Variants in KDM4C observed in about 807,000 individuals in gnomAD.
KDM4C encodes lysine-specific demethylase 4C.
In KDM4C, 81 loss-of-function variants were observed where a neutral mutation model predicts 129.3. The ratio of observed to expected loss-of-function variants is 0.63; its 90% confidence interval spans 0.52 to 0.75. KDM4C has a LOEUF of 0.75. Among genes scored for constraint, KDM4C ranks in the 30% least tolerant of loss-of-function variants. The probability of loss-of-function intolerance (pLI) is 0.00; values close to 1 mark genes in which losing one functional copy is unlikely to be tolerated. For synonymous variants in KDM4C, 573 were observed against 456.1 expected, an observed-to-expected ratio of 1.26 and a Z score of -3.26; for missense variants, 1,457 against 1,304.0, an observed-to-expected ratio of 1.12 and a Z score of -1.81.
chr9:6,868,830 G>A (rs896343561), intron 5 of KDM4C, among the ~76,000 whole-genome samples: 2 of 151,916 alleles, frequency 1.3e-5, no homozygotes, highest in South Asian at 2.1e-4. Flanking sequence ...GGTCAGGAAA[G>A]CTTTTTAAAA....
rs534619061 is a variant in KDM4C at position 6,982,286 on chromosome 9, T to C, written c.1115+1168T>C. 5 of 152,118 alleles carry C rather than the reference T, an allele frequency of 3.3e-5. No individual in the cohort carries two copies. The East Asian group carries it at 7.7e-4, about 23-fold the overall frequency. The allele number at this position is 152,118 out of a possible 1,614,324, so 9.4% of individuals were successfully genotyped here. A position where few individuals can be genotyped will look rare whatever the true frequency, so the allele number is the denominator to read the frequency against. On this transcript the variant is annotated intron_variant, in intron 9 of 21. Transcript: ENST00000381309. ...AGTGAGTGGAAGAACCTTAGGAACA[T>C]GGAGTCAAACTTCGGCATCTTATAA...
chr9:7,106,800 T>C (rs1047577577), intron 18 of KDM4C, among the ~76,000 whole-genome samples: 2 of 152,206 alleles, frequency 1.3e-5, no homozygotes, highest in African/African-American at 4.8e-5. Flanking sequence ...CAGCTAATTA[T>C]TTTAAATATA....
intron 6 of KDM4C, among the ~76,000 whole-genome samples, chr9:6,882,196 A>G (rs1476880507): frequency 1.3e-5 from 2 of 152,238 alleles, no homozygotes; most frequent in Non-Finnish European, 1.5e-5. Context: ...AAAAATCTCA[A>G]GTGAATTGTT....
upstream of KDM4C, among the ~76,000 whole-genome samples, chr9:6,755,502 G>A (rs1270550992): frequency 2.7e-5 from 4 of 148,040 alleles, no homozygotes; most frequent in Non-Finnish European, 6.0e-5. Context: ...GAGCCGATAT[G>A]GCGCCACTGC....
intron 15 of KDM4C, among the ~76,000 whole-genome samples, chr9:7,023,338 T>C (rs1825215290): frequency 6.6e-6 from 1 of 152,126 alleles, no homozygotes; most frequent in Non-Finnish European, 1.5e-5. Context: ...TCTGTTTGGG[T>C]TTTGGATTTC....
At chr9:6,862,666 G>T (rs1490861335) in intron 5 of KDM4C, among the ~76,000 whole-genome samples, 4 of 152,156 alleles carry the variant, frequency 2.6e-5, no homozygotes, top group Admixed American at 6.5e-5. Context: ...CATTAGCCAG[G>T]TGTGGAGGCA....
At chr9:6,897,844 T>C (rs180818744) in intron 8 of KDM4C, among the ~76,000 whole-genome samples, 3 of 152,336 alleles carry the variant, frequency 2.0e-5, no homozygotes, top group East Asian at 3.9e-4. Context: ...GCAATTATTT[T>C]TTCTTGATAG....
At chr9:6,887,079 T>C (rs1845422831) in intron 6 of KDM4C, among the ~76,000 whole-genome samples, 1 of 152,246 alleles carries the variant, frequency 6.6e-6, no homozygotes. Flanking sequence ...TGGTGCCTTC[T>C]CTCTTCCTTT....
At chr9:6,750,947 G>C (rs1239115404) in intron 1 of KDM4C, among the ~76,000 whole-genome samples, 1 of 152,190 alleles carries the variant, frequency 6.6e-6, no homozygotes, top group South Asian at 2.1e-4. Flanking sequence ...CTGGCAGCTG[G>C]TGCTGGCAGT....
intron 8 of KDM4C, among the ~76,000 whole-genome samples, chr9:6,969,999 T>C (rs1012850094): frequency 6.6e-6 from 1 of 152,232 alleles, no homozygotes; most frequent in African/African-American, 2.4e-5. Flanking sequence ...TTGGTGTTGC[T>C]TGGGCCATGT....
chr9:6,982,142 C>T, intron 9 of KDM4C: 1 of 151,778 alleles, frequency 6.6e-6, no homozygotes, highest in Non-Finnish European at 1.5e-5. Context: ...TAGCTTGTGT[C>T]CACTTTTTTG....
chr9:6,961,850 G>T (rs1312410232), intron 8 of KDM4C, among the ~76,000 whole-genome samples: 1 of 152,158 alleles, frequency 6.6e-6, no homozygotes, highest in African/African-American at 2.4e-5. Flanking sequence ...TCATTTTAAA[G>T]CTTTTTTCCC....
intron 18 of KDM4C, among the ~76,000 whole-genome samples, chr9:7,123,625 C>T (rs1168169260): frequency 2.0e-5 from 3 of 152,204 alleles, no homozygotes; most frequent in East Asian, 1.9e-4. Context: ...AAGACAAGTT[C>T]TGGCACTGAT....
intron 3 of KDM4C, among the ~76,000 whole-genome samples, chr9:6,810,129 C>G (rs556487174): frequency 6.6e-6 from 1 of 152,274 alleles, no homozygotes; most frequent in African/African-American, 2.4e-5. Context: ...TATAAAGAAA[C>G]TTTGATCATC....
intron 4 of KDM4C, among the ~76,000 whole-genome samples, chr9:6,821,543 C>A (rs944513665): frequency 4.6e-5 from 7 of 152,080 alleles, no homozygotes; most frequent in Non-Finnish European, 7.4e-5. Flanking sequence ...CTGTTCATAT[C>A]CTTTGCCCAC....
chr9:6,834,168 A>C (rs1004011878), intron 4 of KDM4C, among the ~76,000 whole-genome samples: 6 of 151,050 alleles, frequency 4.0e-5, no homozygotes, highest in Non-Finnish European at 7.4e-5. Flanking sequence ...TCTCCCAAAA[A>C]GCTGGGACTA....
At chr9:6,888,758 A>G (rs1217353502) in intron 7 of KDM4C, among the ~76,000 whole-genome samples, 5 of 152,124 alleles carry the variant, frequency 3.3e-5, no homozygotes, top group Non-Finnish European at 5.9e-5. Context: ...GAAACATTAA[A>G]AAATAGCTCT....
intron 3 of KDM4C, among the ~76,000 whole-genome samples, chr9:6,806,262 A>C (rs990416812): frequency 6.6e-6 from 1 of 152,148 alleles, no homozygotes; most frequent in African/African-American, 2.4e-5. Context: ...TGGGAGGCCA[A>C]CGTGGGCGGA....
chr9:6,725,231 G>C (rs1287933861), intron 1 of KDM4C, among the ~76,000 whole-genome samples: 1 of 152,034 alleles, frequency 6.6e-6, no homozygotes, highest in Non-Finnish European at 1.5e-5. Context: ...TGCAGGGGTA[G>C]AGCGCAGTGT....
Sources: allele counts gnomAD v4.1 joint callset (sites outside exome capture counted in the v4.1 genomes callset), GRCh38; gene constraint gnomAD v4.1.1; transcripts MANE v1.5; gene names NCBI Gene and HGNC (gene_info 2026-07-23, HGNC 2026-07-21).